CDH20: variants seen among roughly 807,000 people sequenced by gnomAD.
CDH20 encodes the protein cadherin-20.
CDH20 carries 29 observed loss-of-function variants against 74.2 expected under a neutral mutation model. The ratio of observed to expected loss-of-function variants is 0.39; its 90% CI spans 0.29 to 0.53. The LOEUF (loss-of-function observed/expected upper bound fraction) is 0.53. CDH20 is among the 20% of genes least tolerant of loss of function. The pLI, the probability that CDH20 is intolerant of heterozygous loss-of-function variation, is 0.69. For missense variants in CDH20, 988 were observed against 1,048.3 expected, an observed-to-expected ratio of 0.94 and a Z score of 0.79; for synonymous variants, 469 against 405.4, an observed-to-expected ratio of 1.16 and a Z score of -1.88.
At chr18:61,416,304 T>G (rs1912682743) in intron 1 of CDH20, among the ~76,000 whole-genome samples, 1 of 152,234 alleles carries the variant, frequency 6.6e-6, no homozygotes, top group African/African-American at 2.4e-5. Flanking sequence ...ATGGATTTAT[T>G]TTAGTGCTAA....
At chr18:61,366,123 A>G (rs1367699521) in intron 1 of CDH20, among the ~76,000 whole-genome samples, 1 of 152,180 alleles carries the variant, frequency 6.6e-6, no homozygotes, top group Non-Finnish European at 1.5e-5. Flanking sequence ...TGTAATGCTG[A>G]ACTCTCAAAT....
At chr18:61,395,950 C>T (rs922113392) in intron 1 of CDH20, among the ~76,000 whole-genome samples, 2 of 152,156 alleles carry the variant, frequency 1.3e-5, no homozygotes, top group South Asian at 2.1e-4. Flanking sequence ...GAAACCATCT[C>T]CCTCTGAGAC....
At chr18:61,379,918 A>G (rs1162199203) in intron 1 of CDH20, among the ~76,000 whole-genome samples, 1 of 152,258 alleles carries the variant, frequency 6.6e-6, no homozygotes, top group African/African-American at 2.4e-5. Flanking sequence ...CAGGCCTTAT[A>G]GCTACTCTCC....
chr18:61,405,380 G>A (rs1471024319), intron 1 of CDH20, among the ~76,000 whole-genome samples: 2 of 152,072 alleles, frequency 1.3e-5, no homozygotes, highest in African/African-American at 4.8e-5. Flanking sequence ...GAGGCCAGGA[G>A]TCTGAGACCA....
chr18:61,415,026 T>C (rs908397662), intron 1 of CDH20, among the ~76,000 whole-genome samples: 3 of 152,140 alleles, frequency 2.0e-5, no homozygotes, highest in African/African-American at 7.2e-5. Context: ...ATGTATACAA[T>C]GACATCATTT....
chr18:61,526,044 C>T (rs1055197454), intron 6 of CDH20, among the ~76,000 whole-genome samples: 21 of 141,688 alleles, frequency 1.5e-4, no homozygotes, highest in African/African-American at 5.3e-4. Context: ...ATCTTGGCCT[C>T]AAGCGATTCT....
intron 7 of CDH20, 119 bp from the exon 8 acceptor site, chr18:61,536,374 G>C: frequency 1.4e-6 from 1 of 726,768 alleles, no homozygotes; most frequent in Non-Finnish European, 2.2e-6. Flanking sequence ...TCTTCCAGTA[G>C]CCATAACTCA....
chr18:61,453,347 G>A (rs534900852), intron 1 of CDH20, among the ~76,000 whole-genome samples: 88 of 152,108 alleles, frequency 5.8e-4, no homozygotes, highest in East Asian at 3.3e-3. Context: ...GCACAATCTC[G>A]GCTCACTGCA....
At chr18:61,554,110 G>C (rs948405329) in intron 11 of CDH20, 80 bp from the exon 12 acceptor site, 81 of 1,521,372 alleles carry the variant, frequency 5.3e-5, no homozygotes, top group African/African-American at 5.2e-4. Context: ...CCTATCCGTG[G>C]TGAATCAAGA....
chr18:61,471,239 G>A (rs2144380814), intron 1 of CDH20, among the ~76,000 whole-genome samples: 1 of 152,284 alleles, frequency 6.6e-6, no homozygotes, highest in Non-Finnish European at 1.5e-5. Context: ...CTAGGCCATA[G>A]CACATGTTGC....
At chr18:61,549,123 T>C (rs985112131) in intron 10 of CDH20, among the ~76,000 whole-genome samples, 3 of 152,178 alleles carry the variant, frequency 2.0e-5, no homozygotes, top group Non-Finnish European at 4.4e-5. Context: ...CAAAAGTATA[T>C]CTACTTTAGA....
chr18:61,536,590 T>G lies in CDH20; in HGVS notation c.1369T>G (p.Phe457Val). The G allele has an allele frequency of 6.2e-7, 1 of 1,613,974 alleles. No individual in the cohort carries two copies. The highest frequency in any genetic ancestry group is 8.5e-7 in the Non-Finnish European group (1 of 1,179,902). Residue 457 changes from phenylalanine to valine, a missense_variant, in exon 8 of 12, where the codon TTT becomes GTT. Physicochemically the swap from Phe to Val is conservative, Grantham distance 50. Around this residue, in one of 2 missense-constraint regions of CDH20, gnomAD observed 613 missense variants for 755.2 expected, o/e 0.81. Transcript: ENST00000262717. ...MTARPLDREE[F>V]SWHNITVLAM... ...AGCAAGACCCCTAGACCGGGAAGAATTTTCTTGGCATAATATCACTGTCCT... is the reference window on the plus strand; with the variant it reads ...AGCAAGACCCCTAGACCGGGAAGAAGTTTCTTGGCATAATATCACTGTCCT...
intron 6 of CDH20, among the ~76,000 whole-genome samples, chr18:61,508,216 A>G (rs930110094): frequency 6.6e-6 from 1 of 152,234 alleles, no homozygotes; most frequent in African/African-American, 2.4e-5. Flanking sequence ...CTAATGAAAT[A>G]CATTAATTTT....
chr18:61,454,382 T>C (rs1184093195), intron 1 of CDH20, among the ~76,000 whole-genome samples: 2 of 152,188 alleles, frequency 1.3e-5, no homozygotes, highest in Admixed American at 6.5e-5. Flanking sequence ...GTTTGAGTTT[T>C]CGTTTTGGTT....
In CDH20 at chr18:61,451,372, T is replaced by C. The variant is rs186375176; in HGVS notation, c.-152-39030T>C. ...ATACTCAAAGTATAGTAGTTCCTAATTATTTGCTATTATCTATGCTCTTGA... is the reference window on the plus strand; with the variant it reads ...ATACTCAAAGTATAGTAGTTCCTAACTATTTGCTATTATCTATGCTCTTGA... On this transcript the variant is annotated intron_variant, in intron 1 of 11. Coordinates refer to ENST00000262717, the MANE Select transcript of CDH20 (RefSeq NM_031891.4). 1.5e-3 allele frequency among the ~76,000 whole-genome samples: 224 copies of C among 152,228 alleles called. 1 individual carries two copies. The highest frequency in any genetic ancestry group is 5.1e-3 in the African/African-American group (213 of 41,564).
At chr18:61,371,650 G>C (rs1391633306) in intron 1 of CDH20, among the ~76,000 whole-genome samples, 1 of 152,026 alleles carries the variant, frequency 6.6e-6, no homozygotes, top group African/African-American at 2.4e-5. Context: ...TGCCCAGAGG[G>C]TTTGGTCTCA....
chr18:61,488,092 A>ATG (rs1555680145), intron 1 of CDH20, among the ~76,000 whole-genome samples: 3 of 151,172 alleles, frequency 2.0e-5, no homozygotes, highest in Admixed American at 6.6e-5. Context: ...ATATATATAT[A>ATG]TATGTACGTA....
chr18:61,415,451 A>G (rs1912651391), intron 1 of CDH20, among the ~76,000 whole-genome samples: 2 of 152,184 alleles, frequency 1.3e-5, no homozygotes, highest in South Asian at 2.1e-4. Flanking sequence ...ATCACAAAAT[A>G]TTGGTGGACT....
At chr18:61,389,121 CT>C (rs1411112017) in intron 1 of CDH20, among the ~76,000 whole-genome samples, 1 of 152,156 alleles carries the variant, frequency 6.6e-6, no homozygotes, top group African/African-American at 2.4e-5. Flanking sequence ...GGGGCTCCCC[CT>C]CTCACATCTC....
Sources: allele counts gnomAD v4.1 joint callset (sites outside exome capture counted in the v4.1 genomes callset), GRCh38; gene constraint gnomAD v4.1.1; regional missense constraint gnomAD v4.1.1; transcripts MANE v1.5; gene names NCBI Gene and HGNC (gene_info 2026-07-23, HGNC 2026-07-21).